GANAB: variants seen among roughly 807,000 people sequenced by gnomAD.
GANAB encodes the protein neutral alpha-glucosidase AB.
GANAB carries 35 observed loss-of-function variants against 129.9 expected under a neutral mutation model. The ratio of observed to expected loss-of-function variants is 0.27; its 90% CI spans 0.21 to 0.36. The LOEUF is 0.36. Ranked by LOEUF, GANAB falls within the 10% of genes least tolerant of loss-of-function variation. GANAB has a pLI of 1.00. For missense variants in GANAB, 939 were observed against 1,221.0 expected, an observed-to-expected ratio of 0.77 and a Z score of 3.44; for synonymous variants, 482 against 451.8, an observed-to-expected ratio of 1.07 and a Z score of -0.85.
chr11:62,634,269 G>C, intron 5 of GANAB: 1 of 1,346,350 alleles, frequency 7.4e-7, no homozygotes, highest in Non-Finnish European at 1.1e-6. Context: ...GAATGGGTAA[G>C]GGCAGAGGAA....
At chr11:62,632,861 A>G (rs1943752668) in intron 8 of GANAB, 116 bp from the exon 9 acceptor site, 1 of 1,045,136 alleles carries the variant, frequency 9.6e-7, no homozygotes, top group Non-Finnish European at 1.5e-6. Flanking sequence ...TCCTTTCTCA[A>G]AAAATTTTCT....
intron 1 of GANAB, among the ~76,000 whole-genome samples, chr11:62,640,811 C>T (rs1258716987): frequency 3.2e-5 from 3 of 92,646 alleles, no homozygotes; most frequent in Non-Finnish European, 6.3e-5. Context: ...CCAGCCTGGG[C>T]GACAAAGTAA....
At position 62,634,696 on chromosome 11, in the gene GANAB, G is replaced by A. The variant is rs989903986; in HGVS notation, c.560+125C>T. ...TCTGGTTCCTACCCTCCCTGACAGA[G>A]AGCTTCTCCCAGCCCCCAGGCCCTA... On this transcript the variant is annotated intron_variant, in intron 5 of 23. Transcript: ENST00000356638. The A allele has an allele frequency of 4.7e-5, 37 of 793,814 alleles. No homozygotes were observed. The Admixed American group carries it at 7.7e-4, about 17-fold the overall frequency. The allele number at this position is 793,814 out of a possible 1,614,324, so 49.2% of individuals were successfully genotyped here.
chr11:62,646,135 T>G (rs1944467666), intron 1 of GANAB, among the ~76,000 whole-genome samples: 1 of 152,290 alleles, frequency 6.6e-6, no homozygotes, highest in Non-Finnish European at 1.5e-5. Context: ...CAGGCTTAAC[T>G]GCTGGCCCGG....
At chr11:62,635,207 G>A (rs890223757) in intron 4 of GANAB, among the ~76,000 whole-genome samples, 5 of 150,604 alleles carry the variant, frequency 3.3e-5, no homozygotes, top group South Asian at 2.1e-4. Flanking sequence ...TTTTTGAGAC[G>A]GAGTTTCACT....
chr11:62,632,751 G>T lies in GANAB; in HGVS notation c.816-6C>A, dbSNP rs1334649575. The stretch of plus-strand genomic sequence containing the variant: ...GGCGATATGGCTCCCCACCCCTGCA[G>T]GCAAACAGACAGACTTGGGCTGCTA... On this transcript the variant is annotated splice_region_variant and splice_polypyrimidine_tract_variant and intron_variant, in intron 8 of 23. Transcript: ENST00000356638. 6.2e-7 allele frequency: 1 copy of T among 1,611,562 alleles called. No individual in the cohort carries two copies. The highest frequency in any genetic ancestry group is 1.7e-5 in the Admixed American group (1 of 59,940).
At position 62,639,037 on chromosome 11, in the gene GANAB, C is replaced by G. The variant is rs769911576; in HGVS notation, c.326G>C (p.Arg109Pro). The part of the protein sequence containing the change: ...TRFRIDELEP[R>P]RPRYRVPDVL... ...ATCTGGTACACGGTATCGGGGTCGCCGAGGCTCCAGCTCATCAATCCTGAA... is the reference window on the plus strand; with the variant it reads ...ATCTGGTACACGGTATCGGGGTCGCGGAGGCTCCAGCTCATCAATCCTGAA... The change falls in exon 4 of 24, where the codon CGG (arginine) becomes CCG (proline). Residue 109 changes from arginine (R) to proline (P), a missense_variant. Arg to Pro is a moderately radical substitution (Grantham distance 103). This residue lies in a region of GANAB where 321 missense variants were observed against 329.1 expected (regional missense o/e 0.98). Transcript: ENST00000356638. 1 of 1,613,882 alleles carries G rather than the reference C, an allele frequency of 6.2e-7. No homozygotes were observed. Among genetic ancestry groups the G allele is most frequent in the Non-Finnish European group, 8.5e-7 (1 of 1,179,962 alleles).
At chr11:62,633,154 A>C in intron 7 of GANAB, 30 bp downstream of exon 7, 1 of 1,604,376 alleles carries the variant, frequency 6.2e-7, no homozygotes, top group South Asian at 1.1e-5. Flanking sequence ...GGAGCCCTGC[A>C]CCCCAGCCCA....
rs762468210 is a variant in GANAB at position 62,626,579 on chromosome 11, T to C, written c.2503A>G (p.Ser835Gly). ...DDPITLFVAL[S>G]PQGTAQGELF... ...GCTGCCTATGCACTTACCTGAGGGCTAAGTGCAACAAAGAGAGTGATGGGG... is the reference window on the plus strand; with the variant it reads ...GCTGCCTATGCACTTACCTGAGGGCCAAGTGCAACAAAGAGAGTGATGGGG... Residue 835 changes from serine to glycine, a missense_variant, in exon 21 of 24, where the codon AGC becomes GGC. Physicochemically the swap from Ser to Gly is moderately conservative, Grantham distance 56. Coordinates refer to ENST00000356638, the MANE Select transcript of GANAB (RefSeq NM_198334.3). 4 of 1,603,288 alleles carry C rather than the reference T, an allele frequency of 2.5e-6. No individual in the cohort carries two copies. In the South Asian group the frequency reaches 3.3e-5, roughly 13 times the overall value.
chr11:62,639,282 G>T, intron 3 of GANAB, 77 bp downstream of exon 3: 3 of 1,260,276 alleles, frequency 2.4e-6, no homozygotes, highest in Non-Finnish European at 1.2e-6. Flanking sequence ...CAAGATGTTG[G>T]CCACAATTTC....
At chr11:62,641,903 TG>T (rs199508677) in intron 1 of GANAB, among the ~76,000 whole-genome samples, 57 of 149,994 alleles carry the variant, frequency 3.8e-4, no homozygotes, top group Admixed American at 6.0e-4. Context: ...TTGTGGTTTT[TG>T]TTTTTTTTCT....
intron 5 of GANAB, chr11:62,634,240 C>A: frequency 1.9e-6 from 2 of 1,035,540 alleles, no homozygotes; most frequent in Non-Finnish European, 1.5e-6. Context: ...GGGCACCTCC[C>A]CCCAAAGGCT....
intron 1 of GANAB, among the ~76,000 whole-genome samples, chr11:62,642,711 C>T (rs914132675): frequency 3.9e-5 from 6 of 152,030 alleles, no homozygotes; most frequent in Non-Finnish European, 8.8e-5. Flanking sequence ...GGATTACAGG[C>T]GTTGTGTCAT....
At chr11:62,636,422 A>G (rs148594313) in intron 4 of GANAB, among the ~76,000 whole-genome samples, 2,020 of 152,114 alleles carry the variant, frequency 0.013, 38 homozygotes, top group African/African-American at 0.046. Flanking sequence ...GCAACATGGC[A>G]AAAACCCATC....
intron 5 of GANAB, chr11:62,634,418 C>G: frequency 8.0e-7 from 1 of 1,251,484 alleles, no homozygotes; most frequent in South Asian, 1.2e-5. Context: ...AAAAGAGGCA[C>G]AAAACCAACA....
chr11:62,634,313 G>C, intron 5 of GANAB: 1 of 1,599,302 alleles, frequency 6.3e-7, no homozygotes, highest in Non-Finnish European at 8.6e-7. Context: ...GATTTACCTA[G>C]AGAAAAGGTT....
At chr11:62,640,411 T>C (rs1313888926) in intron 1 of GANAB, among the ~76,000 whole-genome samples, 1 of 147,098 alleles carries the variant, frequency 6.8e-6, no homozygotes, top group Non-Finnish European at 1.5e-5. Context: ...CAGGTGTCTG[T>C]AGTCCCAGCT....
At position 62,632,755 on chromosome 11, in the gene GANAB, AACAG is replaced by A. The variant is rs1943748377; in HGVS notation, c.816-14_816-11del. The A allele has an allele frequency of 6.2e-7, 1 of 1,610,918 alleles. No homozygotes were observed. Among genetic ancestry groups the A allele is most frequent in the Non-Finnish European group, 8.5e-7 (1 of 1,177,702 alleles). On this transcript the variant is annotated splice_polypyrimidine_tract_variant and intron_variant, in intron 8 of 23. Coordinates refer to ENST00000356638, the MANE Select transcript of GANAB (RefSeq NM_198334.3). ...ATATGGCTCCCCACCCCTGCAGGCA[AACAG>A]ACAGACTTGGGCTGCTAACTGGCCC...
chr11:62,645,432 A>T (rs1025451605), intron 1 of GANAB, among the ~76,000 whole-genome samples: 1 of 151,704 alleles, frequency 6.6e-6, no homozygotes, highest in Non-Finnish European at 1.5e-5. Flanking sequence ...GCTACTCGGG[A>T]GGCTGAGGCA....
Sources: gnomAD v4.1 joint callset for allele counts (sites outside exome capture counted in the v4.1 genomes callset) on GRCh38, gnomAD v4.1.1 for gene constraint, gnomAD v4.1.1 regional missense constraint, MANE v1.5 for transcripts, NCBI Gene and HGNC (gene_info 2026-07-23, HGNC 2026-07-21) for gene names.